Variants in LARGE1 observed in about 807,000 individuals in gnomAD.
LARGE1 encodes xylosyl- and glucuronyltransferase LARGE1.
A neutral mutation model predicts 87.6 loss-of-function variants in LARGE1; 43 were observed. The observed-to-expected ratio is 0.49, with a 90% CI of 0.38 to 0.63. LARGE1 has a LOEUF of 0.63. Ranked by LOEUF, LARGE1 falls within the 30% of genes least tolerant of loss-of-function variation. The pLI is 0.00. For missense variants in LARGE1, 802 were observed against 1,000.2 expected (o/e 0.80, Z 2.67); for synonymous variants, 434 against 394.6 (o/e 1.10, Z -1.18).
chr22:33,577,511 G>A (rs576066464), intron 5 of LARGE1, among the ~76,000 whole-genome samples: 7 of 152,266 alleles, frequency 4.6e-5, no homozygotes, highest in Admixed American at 6.5e-5. Flanking sequence ...TGGATATTTG[G>A]GGAGCAATTT....
In LARGE1 at chr22:33,912,975, C is replaced by T. The variant is rs183047261; in HGVS notation, c.-83+7020G>A. ...CCTCCCGAGTAGCTGGGATTACAGG[C>T]GTGCGCCACCACGCCCGGCTAATTT... On this transcript the variant is annotated intron_variant, in intron 1 of 14. Transcript: ENST00000397394. Among the ~76,000 whole-genome samples, 201 of 152,046 alleles carry T rather than the reference C, an allele frequency of 1.3e-3. 1 individual carries two copies. The highest frequency in any genetic ancestry group is 4.6e-3 in the African/African-American group (190 of 41,504).
intron 1 of LARGE1, among the ~76,000 whole-genome samples, chr22:33,811,693 G>C (rs750446778): frequency 6.6e-6 from 1 of 152,166 alleles, no homozygotes; most frequent in Non-Finnish European, 1.5e-5. Flanking sequence ...ATTACGTCAC[G>C]GTAAATTGTT....
chr22:33,717,517 A>G (rs78759376), intron 2 of LARGE1, among the ~76,000 whole-genome samples: 2,415 of 152,236 alleles, frequency 0.016, 62 homozygotes, highest in African/African-American at 0.054. Flanking sequence ...TCAGATTATA[A>G]TCTTGGAGAA....
intron 2 of LARGE1, among the ~76,000 whole-genome samples, chr22:33,683,622 T>TAGGC (rs200986546): frequency 0.022 from 3,284 of 151,970 alleles, 128 homozygotes; most frequent in African/African-American, 0.074. Context: ...ACAGAATGGT[T>TAGGC]AGGCAGGCAG....
chr22:33,107,554 C>CA, the LARGE1 span, among the ~76,000 whole-genome samples: 18 of 148,896 alleles, frequency 1.2e-4, no homozygotes, highest in South Asian at 1.9e-3. Flanking sequence ...GACTTTGTCT[C>CA]AAAAAAAATC....
chr22:33,323,452 G>C (rs549003362), intron 10 of LARGE1, among the ~76,000 whole-genome samples: 2 of 152,192 alleles, frequency 1.3e-5, no homozygotes, highest in African/African-American at 4.8e-5. Flanking sequence ...TTCAGTGAGC[G>C]AGAAGAAGTC....
chr22:33,594,908 A>C lies in LARGE1; in HGVS notation c.615+9527T>G, dbSNP rs541687504. Among the ~76,000 whole-genome samples, 21 of 152,100 alleles carry C rather than the reference A, an allele frequency of 1.4e-4. 1 individual carries two copies. The highest frequency in any genetic ancestry group is 2.5e-4 in the Non-Finnish European group (17 of 68,018). ...AGGCTTGAGCCACCATACCCCGCTG[A>C]AGTTGTTTCTTAACAGAAGTTTCTG... is the stretch of plus-strand genomic sequence containing the variant. On this transcript the variant is annotated intron_variant, in intron 5 of 14. Coordinates refer to ENST00000397394, the MANE Select transcript of LARGE1 (RefSeq NM_133642.5).
At chr22:33,461,305 A>C (rs1007319850) in intron 6 of LARGE1, among the ~76,000 whole-genome samples, 7 of 152,134 alleles carry the variant, frequency 4.6e-5, no homozygotes, top group Admixed American at 6.5e-5. Flanking sequence ...CAGACAAACA[A>C]ACAAACAAAT....
intron 6 of LARGE1, among the ~76,000 whole-genome samples, chr22:33,442,937 C>T (rs1387065859): frequency 3.9e-5 from 6 of 152,046 alleles, no homozygotes; most frequent in Non-Finnish European, 8.8e-5. Flanking sequence ...GGACTACAGG[C>T]GCCCGCACCA....
At chr22:33,161,960 G>T (rs1253370115), downstream of LARGE1, among the ~76,000 whole-genome samples, 1 of 152,138 alleles carries the variant, frequency 6.6e-6, no homozygotes, top group Non-Finnish European at 1.5e-5. Context: ...GACCACTTCT[G>T]CCTGGAATTC....
chr22:33,813,053 C>T (rs1221018916), intron 1 of LARGE1, among the ~76,000 whole-genome samples: 1 of 152,062 alleles, frequency 6.6e-6, no homozygotes, highest in Non-Finnish European at 1.5e-5. Context: ...ACATCTACTG[C>T]ATTAAGAAGT....
chr22:33,561,945 A>G (rs2077876117), intron 6 of LARGE1, among the ~76,000 whole-genome samples: 1 of 152,204 alleles, frequency 6.6e-6, no homozygotes, highest in African/African-American at 2.4e-5. Flanking sequence ...CCACAAAGGA[A>G]TCAAGCGCAA....
At chr22:33,577,053 TAAG>T (rs1166141360) in intron 5 of LARGE1, among the ~76,000 whole-genome samples, 1 of 152,162 alleles carries the variant, frequency 6.6e-6, no homozygotes, top group Non-Finnish European at 1.5e-5. Context: ...TTCAAAGTGC[TAAG>T]AAGAGAGATA....
At chr22:33,714,215 T>C (rs2082844353) in intron 2 of LARGE1, among the ~76,000 whole-genome samples, 1 of 152,078 alleles carries the variant, frequency 6.6e-6, no homozygotes, top group Non-Finnish European at 1.5e-5. Flanking sequence ...CACATGATCA[T>C]GTAATTCCAA....
intron 2 of LARGE1, among the ~76,000 whole-genome samples, chr22:33,714,205 C>T (rs1399124616): frequency 6.6e-6 from 1 of 152,140 alleles, no homozygotes; most frequent in Non-Finnish European, 1.5e-5. Flanking sequence ...TTCCATCACA[C>T]ACATGATCAT....
At chr22:33,848,074 T>A (rs771031456) in intron 1 of LARGE1, among the ~76,000 whole-genome samples, 1 of 152,170 alleles carries the variant, frequency 6.6e-6, no homozygotes, top group Non-Finnish European at 1.5e-5. Context: ...AAGCAGCTAC[T>A]CCCTATAGTC....
chr22:33,295,062 G>A (rs1000082236), intron 12 of LARGE1, among the ~76,000 whole-genome samples: 1 of 152,184 alleles, frequency 6.6e-6, no homozygotes, highest in Non-Finnish European at 1.5e-5. Flanking sequence ...CACAGCACCT[G>A]CCACGAGACA....
intron 13 of LARGE1, 40 bp downstream of exon 13, chr22:33,283,162 C>T: frequency 6.2e-7 from 1 of 1,613,296 alleles, no homozygotes; most frequent in Non-Finnish European, 8.5e-7. Context: ...GAAAGAAGGC[C>T]TTCGAGCACC....
rs1453107308 is a variant in LARGE1, at chr22:33,829,000, CTTTTTCTTTTT to C, written c.-82-67453_-82-67443del. Among the ~76,000 whole-genome samples the C allele has an allele frequency of 1.1e-4, 12 of 106,240 alleles. 1 individual carries two copies. In the East Asian group the frequency reaches 3.6e-3, roughly 31 times the overall value. The allele number at this position is 106,240 out of a possible 152,430, so 69.7% of individuals were successfully genotyped here. A position where few individuals can be genotyped will look rare whatever the true frequency, so the allele number is the denominator to read the frequency against. ...TTCTCAGAGATGCTTTGTGAAGTCT[CTTTTTCTTTTT>C]TTTTTTTTTTTTTTTTTGAGAGAGT... On this transcript the variant is annotated intron_variant, in intron 1 of 14. Coordinates refer to ENST00000397394, the MANE Select transcript of LARGE1 (RefSeq NM_133642.5).
Sources: allele counts gnomAD v4.1 joint callset (sites outside exome capture counted in the v4.1 genomes callset), GRCh38; gene constraint gnomAD v4.1.1; transcripts MANE v1.5; gene names NCBI Gene and HGNC (gene_info 2026-07-23, HGNC 2026-07-21).